The following HTR2C variants were observed in gnomAD, a reference collection of about 807,000 sequenced individuals.
HTR2C encodes the protein 5-hydroxytryptamine (serotonin) receptor 2C, G protein-coupled.
A neutral mutation model predicts 21.0 loss-of-function variants in HTR2C; 5 were observed. That is an observed-to-expected ratio of 0.24 (90% CI 0.12 to 0.50). The LOEUF (loss-of-function observed/expected upper bound fraction) is 0.50, where lower values mean the gene tolerates loss of function less well. Ranked by LOEUF, HTR2C falls within the 20% of genes least tolerant of loss-of-function variation. The probability of loss-of-function intolerance (pLI) is 0.98; values close to 1 mark genes in which losing one functional copy is unlikely to be tolerated. For missense variants in HTR2C, 271 were observed against 371.2 expected (o/e 0.73, Z 2.22); for synonymous variants, 150 against 145.3 (o/e 1.03, Z -0.23).
intron 5 of HTR2C, among the ~76,000 whole-genome samples, chrX:114,870,755 A>G (rs1249230221): frequency 2.7e-5 from 3 of 111,719 alleles, no homozygotes; most frequent in African/African-American, 9.8e-5. Flanking sequence ...ATGCTGCATT[A>G]TCAGTTGTAA....
intron 4 of HTR2C, among the ~76,000 whole-genome samples, chrX:114,761,986 T>G: frequency 1.3e-4 from 1 of 7,947 alleles, no homozygotes; most frequent in Non-Finnish European, 2.6e-4. Flanking sequence ...TACGTGTATA[T>G]ATACTATATA....
chrX:114,665,692 C>T (rs1396546771), intron 2 of HTR2C, among the ~76,000 whole-genome samples: 1 of 110,999 alleles, frequency 9.0e-6, no homozygotes, highest in African/African-American at 3.3e-5. Context: ...GGAAGTGGAT[C>T]GTCATAAAGG....
intron 2 of HTR2C, among the ~76,000 whole-genome samples, chrX:114,719,336 C>T (rs954883780): frequency 9.0e-6 from 1 of 110,944 alleles, no homozygotes; most frequent in African/African-American, 3.3e-5. Flanking sequence ...TTTTCAGTTT[C>T]TGTTATTGAT....
At chrX:114,805,407 T>C (rs868908172) in intron 4 of HTR2C, among the ~76,000 whole-genome samples, 30 of 7,170 alleles carry the variant, frequency 4.2e-3, no homozygotes, top group Admixed American at 7.2e-3. Flanking sequence ...TCTCCACCCC[T>C]TTTTTTTTTT....
intron 2 of HTR2C, chrX:114,651,656 T>C (rs1930579800): frequency 8.0e-6 from 1 of 124,766 alleles, no homozygotes; most frequent in Non-Finnish European, 1.9e-5. Context: ...ACATGAATTC[T>C]TAAAGAGTAA....
chrX:114,664,063 G>T (rs1429305810), intron 2 of HTR2C, among the ~76,000 whole-genome samples: 1 of 111,536 alleles, frequency 9.0e-6, no homozygotes, highest in Non-Finnish European at 1.9e-5. Context: ...GCAAATCATG[G>T]TATCAGTGAG....
chrX:114,705,196 G>T (rs1368250566), intron 2 of HTR2C, among the ~76,000 whole-genome samples: 4 of 109,709 alleles, frequency 3.6e-5, no homozygotes, highest in Middle Eastern at 4.7e-3. Flanking sequence ...TCACAATATT[G>T]GAAAAAAATA....
intron 5 of HTR2C, among the ~76,000 whole-genome samples, chrX:114,858,608 C>T (rs887535366): frequency 2.7e-5 from 3 of 111,687 alleles, no homozygotes; most frequent in Non-Finnish European, 5.7e-5. Flanking sequence ...GAATTTTCAG[C>T]GTACCTAGTG....
At chrX:114,872,495 G>T (rs2071100423) in intron 5 of HTR2C, among the ~76,000 whole-genome samples, 1 of 108,719 alleles carries the variant, frequency 9.2e-6, no homozygotes, top group Non-Finnish European at 1.9e-5. Context: ...GTTTTCTTCT[G>T]CTTGTGGTTT....
intron 4 of HTR2C, among the ~76,000 whole-genome samples, chrX:114,788,503 C>A (rs781832875): frequency 1.8e-5 from 2 of 110,841 alleles, no homozygotes; most frequent in East Asian, 5.7e-4. Flanking sequence ...CTCAAGTGAT[C>A]CACCTGCCTC....
chrX:114,733,028 C>T (rs1303117700), intron 4 of HTR2C, among the ~76,000 whole-genome samples: 3 of 111,866 alleles, frequency 2.7e-5, no homozygotes, highest in African/African-American at 9.7e-5. Context: ...CTACCCCATG[C>T]TGTTGCGTAG....
At chrX:114,595,456 G>T (rs1927797485) in intron 1 of HTR2C, among the ~76,000 whole-genome samples, 1 of 109,618 alleles carries the variant, frequency 9.1e-6, no homozygotes, top group African/African-American at 3.3e-5. Flanking sequence ...CGCACTCCTG[G>T]TCTCAATCAT....
intron 2 of HTR2C, among the ~76,000 whole-genome samples, chrX:114,716,254 A>G (rs782277015): frequency 3.5e-4 from 39 of 112,883 alleles, no homozygotes; most frequent in Non-Finnish European, 6.7e-4. Flanking sequence ...AGCTACTTTA[A>G]GTCTATCAAT....
intron 4 of HTR2C, among the ~76,000 whole-genome samples, chrX:114,807,011 C>CAT (rs2070464770): frequency 1.2e-4 from 4 of 33,055 alleles, no homozygotes; most frequent in Admixed American, 5.9e-4. Flanking sequence ...ATATATATCA[C>CAT]ATATATACCA....
At chrX:114,824,901 A>G (rs2070665797) in intron 4 of HTR2C, among the ~76,000 whole-genome samples, 1 of 112,120 alleles carries the variant, frequency 8.9e-6, no homozygotes, top group African/African-American at 3.2e-5. Context: ...CCAAAGTTCC[A>G]TGCAAATGTA....
At chrX:114,654,449 T>C (rs1418589581) in intron 2 of HTR2C, among the ~76,000 whole-genome samples, 1 of 109,994 alleles carries the variant, frequency 9.1e-6, no homozygotes, top group African/African-American at 3.3e-5. Context: ...GCATATTTAA[T>C]GATATATTTT....
chrX:114,720,430 A>T (rs188486641), intron 2 of HTR2C, among the ~76,000 whole-genome samples: 10 of 110,918 alleles, frequency 9.0e-5, no homozygotes, highest in African/African-American at 3.3e-4. Context: ...CTTCTGGTTA[A>T]ATTTTACTTC....
intron 4 of HTR2C, among the ~76,000 whole-genome samples, chrX:114,761,241 A>G (rs901517351): frequency 2.7e-5 from 3 of 111,726 alleles, no homozygotes; most frequent in Non-Finnish European, 5.6e-5. Flanking sequence ...ATGCAAATGT[A>G]TTAGGCTTGG....
intron 4 of HTR2C, among the ~76,000 whole-genome samples, chrX:114,806,340 C>T (rs1392506645): frequency 1.1e-5 from 1 of 92,775 alleles, no homozygotes; most frequent in Non-Finnish European, 2.1e-5. Context: ...ATATATACAC[C>T]ATATATATAC....
Sources: allele counts gnomAD v4.1 joint callset (sites outside exome capture counted in the v4.1 genomes callset), GRCh38; gene constraint gnomAD v4.1.1; transcripts MANE v1.5; gene names NCBI Gene and HGNC (gene_info 2026-07-23, HGNC 2026-07-21).